Variants in ORC2 observed in about 807,000 individuals in gnomAD.
ORC2 encodes the protein origin recognition complex protein 2 homolog.
Under a neutral mutation model 77.7 loss-of-function variants are expected in ORC2, and 37 were observed. That is an observed-to-expected ratio of 0.48 (90% confidence interval 0.37 to 0.63). The LOEUF (loss-of-function observed/expected upper bound fraction) is 0.63. ORC2 is among the 20% of genes least tolerant of loss of function. The pLI is 0.00. For synonymous variants in ORC2, 201 were observed against 229.5 expected (o/e 0.88, Z 1.12); for missense variants, 557 against 661.9 (o/e 0.84, Z 1.74).
Position 200,923,793 on chromosome 2 carries a change from G to A in ORC2, c.1147+2043C>T, listed in dbSNP as rs558565520. 2.4e-3 allele frequency among the ~76,000 whole-genome samples: 364 copies of A among 152,258 alleles called. 1 individual carries two copies. The highest frequency in any genetic ancestry group is 8.1e-3 in the African/African-American group (335 of 41,546). On this transcript the variant is annotated intron_variant, in intron 13 of 17. Coordinates refer to ENST00000234296, the MANE Select transcript of ORC2 (RefSeq NM_006190.5). ...AATGTGAAAAACGTAGCACTGAACA[G>A]ACTGTGAAAACGATGCTTGTTTATA... is the stretch of plus-strand genomic sequence containing the variant.
In ORC2 at chr2:200,913,292, T is replaced by C. The variant is rs2040582893; in HGVS notation, c.1647+3A>G. ...ATACAATGCTACAATAGTGGAGTCT[T>C]ACCTTCTTTGTTCTTATAAGCTTGT... On this transcript the variant is annotated splice_donor_region_variant and intron_variant, in intron 17 of 17. Coordinates refer to ENST00000234296, the MANE Select transcript of ORC2 (RefSeq NM_006190.5). 6.9e-6 allele frequency: 11 copies of C among 1,587,706 alleles called. No homozygotes were observed. Among genetic ancestry groups the C allele is most frequent in the Non-Finnish European group, 9.5e-6 (11 of 1,163,076 alleles).
intron 15 of ORC2, among the ~76,000 whole-genome samples, chr2:200,919,313 G>A (rs1159517352): frequency 6.6e-6 from 1 of 152,032 alleles, no homozygotes; most frequent in Non-Finnish European, 1.5e-5. Flanking sequence ...TTTGTCAGGG[G>A]GTAAAGTTTG....
chr2:200,913,587 A>C, intron 16 of ORC2, 174 bp from the exon 17 acceptor site: 2 of 1,292,292 alleles, frequency 1.5e-6, no homozygotes, highest in Non-Finnish European at 2.0e-6. Context: ...GAGCAGAACA[A>C]TTATTAAAAT....
chr2:200,914,143 T>C (rs2040598847), intron 15 of ORC2, 151 bp from the exon 16 acceptor site: 2 of 533,938 alleles, frequency 3.7e-6, no homozygotes, highest in Non-Finnish European at 6.6e-6. Context: ...CTTGCCTACT[T>C]AAACAGAAAG....
chr2:200,925,252 G>A (rs566335479), intron 13 of ORC2, among the ~76,000 whole-genome samples: 10 of 151,934 alleles, frequency 6.6e-5, no homozygotes, highest in African/African-American at 1.7e-4. Context: ...GCTTGAACCC[G>A]GGAGGCGGAG....
At chr2:200,932,244 C>T (rs1241936490) in intron 10 of ORC2, among the ~76,000 whole-genome samples, 1 of 151,716 alleles carries the variant, frequency 6.6e-6, no homozygotes, top group Non-Finnish European at 1.5e-5. Context: ...ATATCTTTTC[C>T]AGCAGTCATT....
At chr2:200,942,913 G>A (rs2041182074) in intron 5 of ORC2, 136 bp from the exon 6 acceptor site, 1 of 470,282 alleles carries the variant, frequency 2.1e-6, no homozygotes, top group East Asian at 3.4e-5. Context: ...CCCATATTAG[G>A]AGTAATACTG....
rs748063116 is a variant in ORC2 at position 200,914,032 on chromosome 2, T to G, written c.1467-40A>C. 10 of 1,304,224 alleles carry G rather than the reference T, an allele frequency of 7.7e-6. No individual in the cohort carries two copies. In the East Asian group the frequency reaches 2.3e-4, roughly 30 times the overall value. The allele number at this position is 1,304,224 out of a possible 1,614,324, so 80.8% of individuals were successfully genotyped here. ...AAACAGGAATTTAAATCCAAAAATGTTAACATCAAAAGGTAACAACTAATA... is the reference window on the plus strand; with the variant it reads ...AAACAGGAATTTAAATCCAAAAATGGTAACATCAAAAGGTAACAACTAATA... On this transcript the variant is annotated intron_variant, in intron 15 of 17. Coordinates refer to ENST00000234296, the MANE Select transcript of ORC2 (RefSeq NM_006190.5).
chr2:200,950,187 C>T (rs111622043), intron 4 of ORC2, among the ~76,000 whole-genome samples: 5 of 152,040 alleles, frequency 3.3e-5, no homozygotes, highest in Non-Finnish European at 5.9e-5. Flanking sequence ...AAAAATTAGC[C>T]GGGCATGGGG....
chr2:200,917,879 G>T (rs116737317), intron 15 of ORC2, among the ~76,000 whole-genome samples: 4,304 of 151,096 alleles, frequency 0.028, 213 homozygotes, highest in African/African-American at 0.1. Flanking sequence ...AAAATAAATG[G>T]AAAATAAATT....
Position 200,934,495 on chromosome 2 carries a change from T to G in ORC2, c.709-521A>C, listed in dbSNP as rs1029914168. On this transcript the variant is annotated intron_variant, in intron 9 of 17. Coordinates refer to ENST00000234296, the MANE Select transcript of ORC2 (RefSeq NM_006190.5). ...ACACCTGACTAATTTTTTAAATTGT[T>G]TTTTTTTTTTTTTTGCAGAGACAGG... Among the ~76,000 whole-genome samples the G allele has an allele frequency of 8.0e-4, 117 of 147,124 alleles. 1 individual carries two copies. The highest frequency in any genetic ancestry group is 1.8e-3 in the African/African-American group (75 of 40,652).
At chr2:200,944,831 C>T (rs544671914) in intron 5 of ORC2, among the ~76,000 whole-genome samples, 1 of 152,180 alleles carries the variant, frequency 6.6e-6, no homozygotes, top group Non-Finnish European at 1.5e-5. Flanking sequence ...TGAGTCACCA[C>T]GCCCAGCGGT....
rs1264978278 is a variant in ORC2, at chr2:200,911,312, C to T, written c.1723G>A (p.Glu575Lys). The T allele has an allele frequency of 6.2e-7, 1 of 1,603,118 alleles. No individual in the cohort carries two copies. The highest frequency in any genetic ancestry group is 8.5e-7 in the Non-Finnish European group (1 of 1,170,184). The change falls in exon 18 of 18, where the codon GAG becomes AAG. Residue 575 changes from glutamate to lysine, a missense_variant. By Grantham distance (56) the Glu-to-Lys change is moderately conservative (BLOSUM62 1). Coordinates refer to ENST00000234296, the MANE Select transcript of ORC2 (RefSeq NM_006190.5). ...TLTDFLEKEE[E>K]EA ...AATAAAGGAAAGCTTCAAGCCTCCT[C>T]TTCTTCCTTTTCCAAGAAATCAGTC...
chr2:200,925,962 A>G (rs1294604138), intron 12 of ORC2, 30 bp from the exon 13 acceptor site: 1 of 946,484 alleles, frequency 1.1e-6, no homozygotes, highest in Non-Finnish European at 1.7e-6. Flanking sequence ...GAGGTACCAC[A>G]TTAATTACAA....
chr2:200,940,595 A>C (rs2041129998), intron 7 of ORC2, among the ~76,000 whole-genome samples: 1 of 152,080 alleles, frequency 6.6e-6, no homozygotes, highest in Non-Finnish European at 1.5e-5. Flanking sequence ...TGAGGTCAGG[A>C]GTTCAAGACC....
intron 4 of ORC2, among the ~76,000 whole-genome samples, chr2:200,955,535 G>A (rs1440026334): frequency 2.0e-5 from 3 of 152,160 alleles, no homozygotes; most frequent in Non-Finnish European, 2.9e-5. Context: ...GAGCTAAATT[G>A]ACTCTTGAGA....
intron 5 of ORC2, among the ~76,000 whole-genome samples, chr2:200,945,948 A>G (rs1228326672): frequency 6.6e-6 from 1 of 151,976 alleles, no homozygotes; most frequent in East Asian, 1.9e-4. Flanking sequence ...ATCTCAATCT[A>G]TTTTTAATTT....
intron 13 of ORC2, among the ~76,000 whole-genome samples, chr2:200,923,887 G>T (rs2040799490): frequency 6.6e-6 from 1 of 152,104 alleles, no homozygotes; most frequent in Non-Finnish European, 1.5e-5. Context: ...TGTACATTGG[G>T]CAATGCAAAC....
rs780227929 is a variant in ORC2 at position 200,931,343 on chromosome 2, A to G, written c.913T>C (p.Leu305=). The change falls in exon 11 of 18, where the codon TTA becomes CTA. Residue 305 remains leucine (L), a synonymous_variant. Coordinates refer to ENST00000234296, the MANE Select transcript of ORC2 (RefSeq NM_006190.5). The part of the protein sequence containing the change: ...EKLFHKWMLQ[L]HLGFNIVLYG... ...GTTTGTAATGATAATACTTACTGTA[A>G]TTGCAGCATCCATTTATGAAATAAT... 1 of 1,306,616 alleles carries G rather than the reference A, an allele frequency of 7.7e-7. No individual in the cohort carries two copies. The highest frequency in any genetic ancestry group is 1.4e-5 in the South Asian group (1 of 72,982). The allele number at this position is 1,306,616 out of a possible 1,614,324, so 80.9% of individuals were successfully genotyped here. A position where few individuals can be genotyped will look rare whatever the true frequency, so the allele number is the denominator to read the frequency against.
Sources: gnomAD v4.1 joint callset for allele counts (sites outside exome capture counted in the v4.1 genomes callset) on GRCh38, gnomAD v4.1.1 for gene constraint, MANE v1.5 for transcripts, NCBI Gene and HGNC (gene_info 2026-07-23, HGNC 2026-07-21) for gene names.